Variants in FMN1 observed in about 807,000 individuals in gnomAD.
The protein encoded by FMN1 is formin-1.
A neutral mutation model predicts 132.4 loss-of-function variants in FMN1; 110 were observed. The observed-to-expected ratio is 0.83, with a 90% CI of 0.71 to 0.97. The LOEUF is 0.97. Ranked by LOEUF, FMN1 falls within the 50% of genes least tolerant of loss-of-function variation. The pLI, the probability that FMN1 is intolerant of heterozygous loss-of-function variation, is 0.00. For synonymous variants in FMN1, 722 were observed against 651.7 expected, an observed-to-expected ratio of 1.11 and a Z score of -1.64; for missense variants, 1,792 against 1,705.3, an observed-to-expected ratio of 1.05 and a Z score of -0.90.
chr15:33,035,044 A>C (rs141042355), intron 6 of FMN1, among the ~76,000 whole-genome samples: 7 of 152,306 alleles, frequency 4.6e-5, no homozygotes, highest in African/African-American at 1.7e-4. Context: ...TCTCAGAAAA[A>C]CGTGTTTTAA....
At chr15:33,114,717 T>G (rs1398599550) in intron 4 of FMN1, among the ~76,000 whole-genome samples, 1 of 152,006 alleles carries the variant, frequency 6.6e-6, no homozygotes, top group Non-Finnish European at 1.5e-5. Flanking sequence ...AACTATAAAC[T>G]CCATATTTCT....
At chr15:32,867,643 C>T (rs2059422701) in intron 16 of FMN1, among the ~76,000 whole-genome samples, 1 of 152,112 alleles carries the variant, frequency 6.6e-6, no homozygotes, top group African/African-American at 2.4e-5. Context: ...CCCCCCGCTC[C>T]CTGTGCAAAG....
At chr15:32,916,202 A>G (rs1187322568) in intron 10 of FMN1, among the ~76,000 whole-genome samples, 1 of 152,220 alleles carries the variant, frequency 6.6e-6, no homozygotes, top group Non-Finnish European at 1.5e-5. Context: ...AGGGTCTCAT[A>G]CAACAGGGAA....
At chr15:33,185,146 G>C (rs1159133731) in intron 2 of FMN1, among the ~76,000 whole-genome samples, 1 of 152,152 alleles carries the variant, frequency 6.6e-6, no homozygotes, top group East Asian at 1.9e-4. Context: ...TGACAAACTA[G>C]AGTAATCCAG....
At chr15:32,987,286 T>C (rs1459325990) in intron 7 of FMN1, among the ~76,000 whole-genome samples, 1 of 152,184 alleles carries the variant, frequency 6.6e-6, no homozygotes, top group Non-Finnish European at 1.5e-5. Context: ...TGTTGCTGTT[T>C]TGTGGAATGT....
At chr15:33,067,140 G>A (rs2037773928) in intron 5 of FMN1, 1 of 1,613,832 alleles carries the variant, frequency 6.2e-7, no homozygotes, top group Admixed American at 1.7e-5. Flanking sequence ...CTCGAATTCT[G>A]GTTTGTTACT....
intron 17 of FMN1, among the ~76,000 whole-genome samples, chr15:32,832,231 C>G (rs2058519851): frequency 6.6e-6 from 1 of 152,162 alleles, no homozygotes; most frequent in Non-Finnish European, 1.5e-5. Flanking sequence ...TATGAAAAAA[C>G]ATTGACCCTT....
intron 7 of FMN1, among the ~76,000 whole-genome samples, chr15:32,973,075 T>C (rs941014328): frequency 6.6e-6 from 1 of 152,230 alleles, no homozygotes; most frequent in Non-Finnish European, 1.5e-5. Context: ...CAATGAGCAT[T>C]TTCTTGACTC....
intron 4 of FMN1, among the ~76,000 whole-genome samples, chr15:33,135,576 G>A (rs187101219): frequency 6.6e-6 from 1 of 152,278 alleles, no homozygotes; most frequent in Admixed American, 6.5e-5. Context: ...TATGAGAAAA[G>A]CAGTTCCCTC....
chr15:32,949,958 T>TTAAAAAGCTCAACTTCACTGGCC (rs1567448529), intron 9 of FMN1, among the ~76,000 whole-genome samples: 1 of 50,286 alleles, frequency 2.0e-5, no homozygotes, highest in African/African-American at 1.3e-4. Context: ...TATATATATA[T>TTAAAAAGCTCAACTTCACTGGCC]ATATATACAC....
chr15:33,044,787 G>A (rs1215491549), intron 6 of FMN1, among the ~76,000 whole-genome samples: 1 of 152,200 alleles, frequency 6.6e-6, no homozygotes, highest in East Asian at 1.9e-4. Context: ...ATGACCAGCT[G>A]TACAGAGGAG....
At position 33,126,185 on chromosome 15, in the gene FMN1, G is replaced by C. The variant is rs112522610; in HGVS notation, c.1867+26863C>G. ...ATGAGGAGCATACATCCTCATTAGA[G>C]ACATGGTGTGTTATTAAGCACCACC... is the stretch of plus-strand genomic sequence containing the variant. On this transcript the variant is annotated intron_variant, in intron 4 of 20. Transcript: ENST00000616417. 2.2e-3 allele frequency among the ~76,000 whole-genome samples: 333 copies of C among 152,090 alleles called. 2 individuals are homozygous for C. The highest frequency in any genetic ancestry group is 4.3e-3 in the Non-Finnish European group (291 of 68,016).
At chr15:33,127,496 T>G (rs895977345) in intron 4 of FMN1, among the ~76,000 whole-genome samples, 1 of 152,224 alleles carries the variant, frequency 6.6e-6, no homozygotes, top group Admixed American at 6.5e-5. Flanking sequence ...ACTTACTAAA[T>G]GAAACCCAAG....
chr15:33,028,554 A>T (rs1038032924), intron 6 of FMN1, among the ~76,000 whole-genome samples: 1 of 152,006 alleles, frequency 6.6e-6, no homozygotes, highest in Non-Finnish European at 1.5e-5. Flanking sequence ...AATAAATAAA[A>T]ATTTTTAAAA....
chr15:33,171,132 G>A (rs989414511), intron 3 of FMN1, among the ~76,000 whole-genome samples: 12 of 152,108 alleles, frequency 7.9e-5, no homozygotes, highest in South Asian at 4.1e-4. Flanking sequence ...GACAAGTATC[G>A]CATGTTTTCA....
chr15:33,127,779 T>C (rs536844504), intron 4 of FMN1, among the ~76,000 whole-genome samples: 5 of 152,356 alleles, frequency 3.3e-5, no homozygotes, highest in African/African-American at 1.2e-4. Flanking sequence ...GCAGTGTCTG[T>C]AGAGAACTAC....
At chr15:33,040,381 ACT>A (rs1261376879) in intron 6 of FMN1, among the ~76,000 whole-genome samples, 2 of 152,120 alleles carry the variant, frequency 1.3e-5, no homozygotes, top group African/African-American at 2.4e-5. Flanking sequence ...TCCCAACCCT[ACT>A]CTCTGTCACC....
intron 6 of FMN1, among the ~76,000 whole-genome samples, chr15:33,030,783 A>C (rs902284313): frequency 3.3e-5 from 5 of 152,194 alleles, no homozygotes; most frequent in African/African-American, 1.2e-4. Context: ...ACATTAGATA[A>C]AATATATAAA....
At chr15:32,936,267 GTTTC>G (rs774526508) in intron 9 of FMN1, among the ~76,000 whole-genome samples, 31 of 151,644 alleles carry the variant, frequency 2.0e-4, no homozygotes, top group Non-Finnish European at 4.3e-4. Flanking sequence ...ATGCTCCCCT[GTTTC>G]TTTGTGTGCT....
Sources: gnomAD v4.1 joint callset for allele counts (sites outside exome capture counted in the v4.1 genomes callset) on GRCh38, gnomAD v4.1.1 for gene constraint, MANE v1.5 for transcripts, NCBI Gene and HGNC (gene_info 2026-07-23, HGNC 2026-07-21) for gene names.